The following NXN variants were observed in gnomAD, a reference collection of about 807,000 sequenced individuals.
NXN encodes nucleoredoxin.
In NXN, 16 loss-of-function variants were observed where a neutral mutation model predicts 48.6. That is an observed-to-expected ratio of 0.33 (90% CI 0.22 to 0.50). The LOEUF (loss-of-function observed/expected upper bound fraction) is 0.50. NXN is among the 20% of genes least tolerant of loss of function. The pLI is 0.98. For synonymous variants in NXN, 281 were observed against 269.6 expected, an observed-to-expected ratio of 1.04 and a Z score of -0.41; for missense variants, 492 against 605.5, an observed-to-expected ratio of 0.81 and a Z score of 1.97.
chr17:885,006 C>T (rs539439038), intron 1 of NXN, among the ~76,000 whole-genome samples: 4 of 152,244 alleles, frequency 2.6e-5, no homozygotes, highest in Admixed American at 1.3e-4. Context: ...CTATGGCGAG[C>T]GCCATCCCCT....
chr17:918,298 G>A (rs2068709579), intron 1 of NXN, among the ~76,000 whole-genome samples: 1 of 152,136 alleles, frequency 6.6e-6, no homozygotes, highest in South Asian at 2.1e-4. Context: ...ATTTTCCTTT[G>A]TAACGTTCGG....
At chr17:812,671 T>A (rs200388841) in intron 5 of NXN, among the ~76,000 whole-genome samples, 6 of 149,220 alleles carry the variant, frequency 4.0e-5, no homozygotes, top group East Asian at 4.0e-4. Flanking sequence ...TAGGTGTGTG[T>A]GAGTGTAGGT....
At chr17:906,693 A>G (rs2068584417) in intron 1 of NXN, among the ~76,000 whole-genome samples, 1 of 150,792 alleles carries the variant, frequency 6.6e-6, no homozygotes, top group Non-Finnish European at 1.5e-5. Flanking sequence ...CAGCCTCCCG[A>G]GTAGCTGGGA....
At chr17:969,011 C>A (rs771024977) in intron 1 of NXN, among the ~76,000 whole-genome samples, 8 of 152,070 alleles carry the variant, frequency 5.3e-5, no homozygotes, top group Non-Finnish European at 8.8e-5. Flanking sequence ...AAACCAGGTT[C>A]TGTGATAGTC....
At chr17:874,227 T>C (rs1201442012) in intron 1 of NXN, among the ~76,000 whole-genome samples, 3 of 152,202 alleles carry the variant, frequency 2.0e-5, no homozygotes, top group African/African-American at 7.2e-5. Context: ...TCCCCCATGA[T>C]TGTAAGTTTC....
chr17:809,791 G>A (rs1309774944), intron 5 of NXN, among the ~76,000 whole-genome samples: 25 of 152,292 alleles, frequency 1.6e-4, no homozygotes, highest in Admixed American at 1.6e-3. Context: ...CGAGCGCACA[G>A]TGCCGTGTGC....
chr17:958,166 C>T lies in NXN; in HGVS notation c.360+21153G>A. 6.6e-6 allele frequency among the ~76,000 whole-genome samples: 1 copy of T among 152,168 alleles called. No individual in the cohort carries two copies. The highest frequency in any genetic ancestry group is 1.9e-4 in the East Asian group (1 of 5,192). ...GTCTTAATCCACTGGACTACCCTCC[C>T]CCTCGTTTGAAAAGGTCACTTGCAC... is the stretch of plus-strand genomic sequence containing the variant. On this transcript the variant is annotated intron_variant, in intron 1 of 7. Coordinates refer to ENST00000336868, the MANE Select transcript of NXN (RefSeq NM_022463.5). This position sits in a 1 kb window ranked among gnomAD's most constrained non-coding sequence, Gnocchi z 6.9.
rs1306555123 is a variant in NXN at position 915,376 on chromosome 17, T to C, written c.360+63943A>G. On this transcript the variant is annotated intron_variant, in intron 1 of 7. Coordinates refer to ENST00000336868, the MANE Select transcript of NXN (RefSeq NM_022463.5). Reference sequence around the variant, plus strand: ...TCGGCTCACTGCAACCTCCACCTCCTGGGCTCAGACAATCCTCCTGCCTCC... The same window carrying C: ...TCGGCTCACTGCAACCTCCACCTCCCGGGCTCAGACAATCCTCCTGCCTCC... 2.6e-5 allele frequency among the ~76,000 whole-genome samples: 4 copies of C among 152,050 alleles called. No individual in the cohort carries two copies. In the East Asian group the frequency reaches 7.7e-4, roughly 29 times the overall value.
intron 1 of NXN, among the ~76,000 whole-genome samples, chr17:841,747 T>C (rs1473612765): frequency 6.6e-6 from 1 of 150,888 alleles, no homozygotes; most frequent in Non-Finnish European, 1.5e-5. Flanking sequence ...AGCCCAGGAG[T>C]GTCCACTTCC....
At chr17:811,179 G>C (rs1234832585) in intron 5 of NXN, among the ~76,000 whole-genome samples, 7 of 152,270 alleles carry the variant, frequency 4.6e-5, no homozygotes, top group Non-Finnish European at 1.0e-4. Context: ...AGGATTCAAC[G>C]CTGGAGGAGC....
chr17:880,848 G>A (rs1347683585), intron 1 of NXN, among the ~76,000 whole-genome samples: 1 of 152,140 alleles, frequency 6.6e-6, no homozygotes, highest in African/African-American at 2.4e-5. Context: ...CAGACACTAA[G>A]TAATGCAGTT....
chr17:869,170 C>T (rs1393107428), intron 1 of NXN, among the ~76,000 whole-genome samples: 2 of 152,168 alleles, frequency 1.3e-5, no homozygotes, highest in Non-Finnish European at 2.9e-5. Flanking sequence ...TCACATCCTG[C>T]CTCCTGTTTG....
At chr17:943,614 G>A (rs1016867760) in intron 1 of NXN, among the ~76,000 whole-genome samples, 5 of 152,012 alleles carry the variant, frequency 3.3e-5, no homozygotes, top group Admixed American at 3.3e-4. Flanking sequence ...TTGAGGCCAG[G>A]AGTTCAAAAC....
intron 1 of NXN, chr17:909,897 A>T (rs992006631): frequency 3.3e-5 from 5 of 152,176 alleles, no homozygotes; most frequent in Non-Finnish European, 7.3e-5. Flanking sequence ...AACGGAAAAC[A>T]GCGCGTGACA....
intron 1 of NXN, among the ~76,000 whole-genome samples, chr17:844,156 C>T (rs545351468): frequency 1.6e-4 from 24 of 151,600 alleles, no homozygotes; most frequent in African/African-American, 5.3e-4. Flanking sequence ...TCATACATCC[C>T]GTCCTGCCCT....
chr17:970,300 A>C (rs1250809367), intron 1 of NXN, among the ~76,000 whole-genome samples: 1 of 152,128 alleles, frequency 6.6e-6, no homozygotes, highest in Non-Finnish European at 1.5e-5. Context: ...GGACTGATTT[A>C]GTCCTAGGAT....
chr17:856,952 C>G (rs954525766), intron 1 of NXN, among the ~76,000 whole-genome samples: 4 of 152,114 alleles, frequency 2.6e-5, no homozygotes, highest in Non-Finnish European at 4.4e-5. Flanking sequence ...CCTCAAAACT[C>G]TTCCGACTTC....
intron 1 of NXN, among the ~76,000 whole-genome samples, chr17:863,527 C>G (rs1237205327): frequency 6.6e-6 from 1 of 151,984 alleles, no homozygotes; most frequent in Non-Finnish European, 1.5e-5. Context: ...GTGGTACAAT[C>G]ACATCTCACT....
intron 1 of NXN, chr17:907,938 G>C (rs2068596630): frequency 6.6e-6 from 1 of 152,012 alleles, no homozygotes; most frequent in African/African-American, 2.4e-5. Context: ...TCATGTAATG[G>C]GCTCAGCAGC....
Sources: allele counts gnomAD v4.1 joint callset (sites outside exome capture counted in the v4.1 genomes callset), GRCh38; gene constraint gnomAD v4.1.1; non-coding constraint Gnocchi (gnomAD v3.1); transcripts MANE v1.5; gene names NCBI Gene and HGNC (gene_info 2026-07-23, HGNC 2026-07-21).